The following SPOCK1 variants were observed in gnomAD, a reference collection of about 807,000 sequenced individuals.
The protein encoded by SPOCK1 is SPARC (osteonectin), cwcv and kazal like domains proteoglycan 1, also known as testican-1.
In SPOCK1, 23 loss-of-function variants were observed where a neutral mutation model predicts 55.3. The observed-to-expected ratio is 0.42, with a 90% confidence interval of 0.30 to 0.59. The LOEUF (loss-of-function observed/expected upper bound fraction) is 0.59, where lower values mean the gene tolerates loss of function less well. SPOCK1 is among the 20% of genes least tolerant of loss of function. SPOCK1 has a pLI of 0.22. For synonymous variants in SPOCK1, 226 were observed against 221.0 expected (o/e 1.02, Z -0.20); for missense variants, 499 against 552.5 (o/e 0.90, Z 0.97).
chr5:137,409,469 G>A (rs183647000), intron 2 of SPOCK1, among the ~76,000 whole-genome samples: 3 of 152,336 alleles, frequency 2.0e-5, no homozygotes, highest in Admixed American at 2.0e-4. Context: ...ACAGGATCTA[G>A]AGTCAGACAG....
At chr5:137,040,641 G>C (rs781102084) in intron 6 of SPOCK1, among the ~76,000 whole-genome samples, 1 of 152,186 alleles carries the variant, frequency 6.6e-6, no homozygotes, top group Non-Finnish European at 1.5e-5. Context: ...TTTCTGTATG[G>C]TATGTTTGAT....
At chr5:136,985,825 T>C (rs1390371044) in intron 8 of SPOCK1, among the ~76,000 whole-genome samples, 1 of 152,196 alleles carries the variant, frequency 6.6e-6, no homozygotes, top group African/African-American at 2.4e-5. Context: ...GAAAAGAAGT[T>C]AGTTTCATTC....
At chr5:137,242,724 TGAA>T (rs1182212287) in intron 3 of SPOCK1, among the ~76,000 whole-genome samples, 2 of 152,158 alleles carry the variant, frequency 1.3e-5, no homozygotes, top group East Asian at 3.9e-4. Context: ...GGTGACAGGG[TGAA>T]ACCCTGTACC....
In SPOCK1 at chr5:137,122,950, T is replaced by C. The variant is rs573414420; in HGVS notation, c.348-10389A>G. On this transcript the variant is annotated intron_variant, in intron 4 of 10. Coordinates refer to ENST00000394945, the MANE Select transcript of SPOCK1 (RefSeq NM_004598.4). ...CTGTTCTGGGAGGGCTGGGTGTGATTGCCATTAAGAAGGAGCAAGTCAGTA... is the reference window on the plus strand; with the variant it reads ...CTGTTCTGGGAGGGCTGGGTGTGATCGCCATTAAGAAGGAGCAAGTCAGTA... Among the ~76,000 whole-genome samples, 12 of 152,358 alleles carry C rather than the reference T, an allele frequency of 7.9e-5. No homozygotes were observed. The South Asian group carries it at 1.9e-3, about 24-fold the overall frequency.
intron 3 of SPOCK1, among the ~76,000 whole-genome samples, chr5:137,177,606 A>G (rs1754880544): frequency 6.6e-6 from 1 of 152,046 alleles, no homozygotes; most frequent in South Asian, 2.1e-4. Flanking sequence ...AAGGAGGAAA[A>G]AGAAAATGGA....
chr5:137,148,832 C>A (rs1754256516), intron 3 of SPOCK1, among the ~76,000 whole-genome samples: 1 of 152,122 alleles, frequency 6.6e-6, no homozygotes, highest in Non-Finnish European at 1.5e-5. Context: ...GAGTCTCACA[C>A]CAAGGCTGAT....
chr5:137,356,838 T>TAGAGAGAGAGAGAG (rs1177060339), intron 2 of SPOCK1, among the ~76,000 whole-genome samples: 58 of 5,452 alleles, frequency 0.011, 6 homozygotes, highest in Admixed American at 0.014. Context: ...TATATATATA[T>TAGAGAGAGAGAGAG]AGAGAGAGAG....
chr5:137,185,661 G>T (rs994269499), intron 3 of SPOCK1, among the ~76,000 whole-genome samples: 1 of 152,068 alleles, frequency 6.6e-6, no homozygotes, highest in African/African-American at 2.4e-5. Flanking sequence ...CAGAGAACAT[G>T]GTGGGATGGG....
chr5:137,460,429 G>C (rs1377605143), intron 2 of SPOCK1, among the ~76,000 whole-genome samples: 1 of 152,162 alleles, frequency 6.6e-6, no homozygotes, highest in Non-Finnish European at 1.5e-5. Flanking sequence ...AATGCACTTA[G>C]GGAACACAGA....
intron 5 of SPOCK1, among the ~76,000 whole-genome samples, chr5:137,089,051 G>A (rs1753009608): frequency 6.6e-6 from 1 of 152,146 alleles, no homozygotes; most frequent in Non-Finnish European, 1.5e-5. Flanking sequence ...CTATTGCAAG[G>A]GGGCTGAGCA....
intron 3 of SPOCK1, among the ~76,000 whole-genome samples, chr5:137,177,654 A>G (rs998952937): frequency 2.6e-5 from 4 of 152,142 alleles, no homozygotes; most frequent in African/African-American, 9.7e-5. Context: ...TCCCTTTAAC[A>G]TTAACGCACA....
chr5:137,239,181 C>G (rs536644164), intron 3 of SPOCK1, among the ~76,000 whole-genome samples: 149 of 152,216 alleles, frequency 9.8e-4, no homozygotes, highest in African/African-American at 3.4e-3. Context: ...TTTGGTCAAC[C>G]ATGCCAACAA....
At chr5:137,275,329 T>C (rs1010232355) in intron 2 of SPOCK1, among the ~76,000 whole-genome samples, 1 of 152,190 alleles carries the variant, frequency 6.6e-6, no homozygotes, top group African/African-American at 2.4e-5. Flanking sequence ...AACATCCAGA[T>C]GCTACCTTGT....
chr5:137,369,802 G>T (rs2127170138), intron 2 of SPOCK1, among the ~76,000 whole-genome samples: 1 of 152,248 alleles, frequency 6.6e-6, no homozygotes, highest in African/African-American at 2.4e-5. Context: ...AGGAAGCAAG[G>T]TCTCTGATGT....
At chr5:137,235,187 A>G (rs2127096450) in intron 3 of SPOCK1, among the ~76,000 whole-genome samples, 1 of 152,322 alleles carries the variant, frequency 6.6e-6, no homozygotes, top group East Asian at 1.9e-4. Context: ...AGGATGTTGT[A>G]AGGAATGCTG....
chr5:137,087,974 C>T (rs1460127473), intron 5 of SPOCK1, among the ~76,000 whole-genome samples: 2 of 152,202 alleles, frequency 1.3e-5, no homozygotes, highest in African/African-American at 4.8e-5. Flanking sequence ...AAGCATCTAC[C>T]ACTTTCTCGT....
At chr5:137,411,727 G>C (rs1246029084) in intron 2 of SPOCK1, among the ~76,000 whole-genome samples, 1 of 152,184 alleles carries the variant, frequency 6.6e-6, no homozygotes, top group African/African-American at 2.4e-5. Context: ...TATCTCACCA[G>C]GGCCTTGTGA....
intron 3 of SPOCK1, among the ~76,000 whole-genome samples, chr5:137,235,133 A>G (rs1232549269): frequency 6.6e-6 from 1 of 152,194 alleles, no homozygotes; most frequent in East Asian, 1.9e-4. Flanking sequence ...GCTCCCAGGA[A>G]GATCTAGCGT....
chr5:137,366,514 G>A (rs1461910865), intron 2 of SPOCK1, among the ~76,000 whole-genome samples: 3 of 152,154 alleles, frequency 2.0e-5, no homozygotes, highest in East Asian at 3.8e-4. Context: ...GGGAGCAGGG[G>A]CCTGTTGGAC....
Sources: allele counts gnomAD v4.1 joint callset (sites outside exome capture counted in the v4.1 genomes callset), GRCh38; gene constraint gnomAD v4.1.1; transcripts MANE v1.5; gene names NCBI Gene and HGNC (gene_info 2026-07-23, HGNC 2026-07-21).